The following CYP3A43 variants were observed in gnomAD, a reference collection of about 807,000 sequenced individuals.
CYP3A43 encodes the protein cytochrome P450 3A43.
CYP3A43 carries 45 observed loss-of-function variants against 58.0 expected under a neutral mutation model. The observed-to-expected ratio is 0.78, with a 90% CI of 0.61 to 0.99. The LOEUF (loss-of-function observed/expected upper bound fraction) is 0.99. Among genes scored for constraint, CYP3A43 ranks in the 50% least tolerant of loss-of-function variants. The probability of loss-of-function intolerance (pLI) is 0.00; values close to 1 mark genes in which losing one functional copy is unlikely to be tolerated. For synonymous variants in CYP3A43, 191 were observed against 201.4 expected, an observed-to-expected ratio of 0.95 and a Z score of 0.44; for missense variants, 593 against 591.9, an observed-to-expected ratio of 1.00 and a Z score of -0.02.
intron 5 of CYP3A43, chr7:99,847,917 CAGA>C: frequency 1.9e-6 from 1 of 539,818 alleles, no homozygotes; most frequent in East Asian, 3.3e-5. Context: ...AAGGCTAAGG[CAGA>C]AGAATTGTTT....
intron 3 of CYP3A43, among the ~76,000 whole-genome samples, chr7:99,843,914 C>G (rs1817439230): frequency 6.6e-6 from 1 of 152,100 alleles, no homozygotes; most frequent in Non-Finnish European, 1.5e-5. Flanking sequence ...TGACTCTTTC[C>G]TGTTTGAGCC....
chr7:99,836,668 T>C (rs1041425334), intron 2 of CYP3A43, 122 bp downstream of exon 2: 4 of 704,208 alleles, frequency 5.7e-6, no homozygotes, highest in African/African-American at 3.7e-5. Context: ...AGAAATGGTG[T>C]GTATGCTCCA....
intron 7 of CYP3A43, 98 bp from the exon 8 acceptor site, chr7:99,855,493 C>T: frequency 7.1e-7 from 1 of 1,410,830 alleles, no homozygotes; most frequent in East Asian, 2.5e-5. Context: ...GTTGAGAACC[C>T]TGAAGTCTAT....
intron 7 of CYP3A43, chr7:99,849,970 T>TC (rs1817692158): frequency 2.1e-6 from 1 of 479,454 alleles, no homozygotes; most frequent in Non-Finnish European, 4.0e-6. Flanking sequence ...TTTTTTTTTT[T>TC]TTTTTTAGAC....
At chr7:99,858,101 G>A (rs186036718) in intron 9 of CYP3A43, among the ~76,000 whole-genome samples, 3 of 152,104 alleles carry the variant, frequency 2.0e-5, no homozygotes, top group Admixed American at 6.5e-5. Flanking sequence ...TAATTTTTAA[G>A]TATATCTAAT....
chr7:99,865,119 A>T (rs1390578030), intron 12 of CYP3A43, among the ~76,000 whole-genome samples: 1 of 148,342 alleles, frequency 6.7e-6, no homozygotes. Flanking sequence ...CTCTGAATAA[A>T]AGCAGGTCTC....
chr7:99,838,656 T>G (rs1817190686), intron 2 of CYP3A43: 1 of 1,287,436 alleles, frequency 7.8e-7, no homozygotes, highest in South Asian at 1.2e-5. Flanking sequence ...ATCTTCTGTA[T>G]TTTCTCTCCT....
At chr7:99,849,722 C>T (rs750474503) in intron 7 of CYP3A43, 28 bp downstream of exon 7, 1 of 1,518,866 alleles carries the variant, frequency 6.6e-7, no homozygotes, top group Admixed American at 2.2e-5. Context: ...TTATTTCTCT[C>T]TCTCTCTCTC....
At position 99,836,525 on chromosome 7, in the gene CYP3A43, A is replaced by G. The variant is rs918427292; in HGVS notation, c.144A>G (p.Gly48=). 4 of 1,600,528 alleles carry G rather than the reference A, an allele frequency of 2.5e-6. No individual in the cohort carries two copies. Among genetic ancestry groups the G allele is most frequent in the Non-Finnish European group, 3.4e-6 (4 of 1,176,364 alleles). The change falls in exon 2 of 13, where the codon GGA becomes GGG. Residue 48 remains glycine (G), a synonymous_variant. Coordinates refer to ENST00000354829, the MANE Select transcript of CYP3A43 (RefSeq NM_057095.3). ...IPGPTPLPFL[G]TILFYLRGLW... ...GGCCAACCCCTCTGCCTTTTCTGGGAACTATTTTGTTCTACCTTAGGGTAA... is the reference window on the plus strand; with the variant it reads ...GGCCAACCCCTCTGCCTTTTCTGGGGACTATTTTGTTCTACCTTAGGGTAA...
intron 7 of CYP3A43, among the ~76,000 whole-genome samples, chr7:99,854,968 T>C (rs895098349): frequency 2.6e-5 from 4 of 152,030 alleles, no homozygotes; most frequent in Non-Finnish European, 4.4e-5. Context: ...CACTGCAACT[T>C]GCGCCTCCCT....
At chr7:99,839,311 A>G (rs752329238) in intron 3 of CYP3A43, 139 bp downstream of exon 3, 2 of 1,008,106 alleles carry the variant, frequency 2.0e-6, no homozygotes, top group African/African-American at 1.6e-5. Context: ...GAGGCTATCT[A>G]AAAGAAAAAG....
intron 7 of CYP3A43, among the ~76,000 whole-genome samples, chr7:99,855,031 T>C (rs1379544162): frequency 6.7e-6 from 1 of 148,906 alleles, no homozygotes; most frequent in South Asian, 2.1e-4. Flanking sequence ...TACAGGCACA[T>C]GCCACCATGC....
chr7:99,860,733 G>T (rs547799935), intron 10 of CYP3A43, among the ~76,000 whole-genome samples: 1 of 152,188 alleles, frequency 6.6e-6, no homozygotes, highest in African/African-American at 2.4e-5. Flanking sequence ...TGCCCGGAGG[G>T]TTCCTATCCT....
chr7:99,844,118 G>A, intron 3 of CYP3A43, 25 bp from the exon 4 acceptor site: 1 of 1,591,378 alleles, frequency 6.3e-7, no homozygotes, highest in Non-Finnish European at 8.6e-7. Flanking sequence ...GCGAGGTTTA[G>A]TCAGCTCTGT....
chr7:99,862,093 C>T (rs960675825), intron 11 of CYP3A43, among the ~76,000 whole-genome samples: 1 of 152,152 alleles, frequency 6.6e-6, no homozygotes, highest in Admixed American at 6.5e-5. Flanking sequence ...AGTATACTAT[C>T]ACATTTTATT....
At chr7:99,834,746 C>T (rs1388595205) in intron 1 of CYP3A43, among the ~76,000 whole-genome samples, 3 of 152,230 alleles carry the variant, frequency 2.0e-5, no homozygotes, top group Admixed American at 2.0e-4. Context: ...TCTCCTACTG[C>T]CCCTGTGAAA....
intron 12 of CYP3A43, among the ~76,000 whole-genome samples, 181 bp from the exon 13 acceptor site, chr7:99,865,725 C>T (rs1440855119): frequency 6.7e-6 from 1 of 148,722 alleles, no homozygotes; most frequent in Non-Finnish European, 1.5e-5. Context: ...TAAATGCTTT[C>T]ACTATCCAAT....
intron 1 of CYP3A43, among the ~76,000 whole-genome samples, chr7:99,833,783 C>G (rs547124625): frequency 3.9e-5 from 6 of 152,336 alleles, no homozygotes; most frequent in African/African-American, 1.4e-4. Context: ...CTGGTTAATG[C>G]CACAACTGTG....
intron 3 of CYP3A43, among the ~76,000 whole-genome samples, chr7:99,840,919 C>A (rs985491793): frequency 2.0e-5 from 3 of 152,138 alleles, no homozygotes; most frequent in African/African-American, 4.8e-5. Flanking sequence ...TCACTCTAAC[C>A]AATTGGCTCA....
Sources: allele counts gnomAD v4.1 joint callset (sites outside exome capture counted in the v4.1 genomes callset), GRCh38; gene constraint gnomAD v4.1.1; transcripts MANE v1.5; gene names NCBI Gene and HGNC (gene_info 2026-07-23, HGNC 2026-07-21).